CCSER2: variants seen among roughly 807,000 people sequenced by gnomAD.
The protein encoded by CCSER2 is serine-rich coiled-coil domain-containing protein 2.
In CCSER2, 46 loss-of-function variants were observed where a neutral mutation model predicts 92.3. That is an observed-to-expected ratio of 0.50 (90% CI 0.39 to 0.64). The LOEUF (loss-of-function observed/expected upper bound fraction) is 0.64, where lower values mean the gene tolerates loss of function less well. Ranked by LOEUF, CCSER2 falls within the 30% of genes least tolerant of loss-of-function variation. The probability of loss-of-function intolerance (pLI) is 0.00; values close to 1 mark genes in which losing one functional copy is unlikely to be tolerated. For synonymous variants in CCSER2, 433 were observed against 431.4 expected (o/e 1.00, Z -0.04); for missense variants, 1,244 against 1,238.9 (o/e 1.00, Z -0.06).
At chr10:84,424,984 A>T in intron 4 of CCSER2, 4 of 985,064 alleles carry the variant, frequency 4.1e-6, no homozygotes, top group Non-Finnish European at 4.8e-6. Flanking sequence ...CGGTAACACA[A>T]TGTCTCCCTT....
At chr10:84,451,540 G>A (rs886891338) in intron 6 of CCSER2, among the ~76,000 whole-genome samples, 1 of 152,132 alleles carries the variant, frequency 6.6e-6, no homozygotes, top group East Asian at 1.9e-4. Flanking sequence ...CAGATGGCTT[G>A]AGGAGTTGGA....
At chr10:84,428,045 G>A (rs970078653) in intron 5 of CCSER2, among the ~76,000 whole-genome samples, 3 of 152,120 alleles carry the variant, frequency 2.0e-5, no homozygotes, top group Admixed American at 6.6e-5. Flanking sequence ...AAAAGGCTTG[G>A]CCCTTAGCCC....
intron 1 of CCSER2, among the ~76,000 whole-genome samples, chr10:84,356,306 T>G (rs116414096): frequency 0.021 from 3,212 of 152,206 alleles, 120 homozygotes; most frequent in African/African-American, 0.075. Flanking sequence ...AAGCAGATTC[T>G]CAGTGTCGGT....
At chr10:84,360,073 A>G (rs1309541971) in intron 1 of CCSER2, among the ~76,000 whole-genome samples, 1 of 152,048 alleles carries the variant, frequency 6.6e-6, no homozygotes, top group African/African-American at 2.4e-5. Flanking sequence ...TCAACCACCT[A>G]AAGTGCTGGG....
intron 3 of CCSER2, among the ~76,000 whole-genome samples, chr10:84,415,630 A>T (rs966501936): frequency 6.6e-6 from 1 of 152,180 alleles, no homozygotes; most frequent in Admixed American, 6.5e-5. Context: ...TCCATTTAGG[A>T]GAAACAGGAT....
chr10:84,445,357 G>A (rs1844847845), intron 6 of CCSER2, among the ~76,000 whole-genome samples: 1 of 152,166 alleles, frequency 6.6e-6, no homozygotes, highest in South Asian at 2.1e-4. Context: ...GTTTCACCAT[G>A]TTAGCCAGGA....
At chr10:84,389,383 C>A in intron 3 of CCSER2, 1 of 512,416 alleles carries the variant, frequency 2.0e-6, no homozygotes, top group South Asian at 1.4e-5. Flanking sequence ...TTTCCTGTTT[C>A]TTTCTGTCTC....
At chr10:84,457,264 A>ATTATATATTATATAT (rs1845708130) in intron 6 of CCSER2, among the ~76,000 whole-genome samples, 1 of 27,976 alleles carries the variant, frequency 3.6e-5, no homozygotes, top group Non-Finnish European at 5.7e-5. Context: ...TATAAAATAT[A>ATTATATATTATATAT]TTATATATAA....
intron 9 of CCSER2, among the ~76,000 whole-genome samples, chr10:84,490,570 TG>T (rs1163568766): frequency 3.9e-5 from 6 of 152,240 alleles, no homozygotes; most frequent in African/African-American, 1.4e-4. Context: ...GTAGTTCTCG[TG>T]CCATGGTTTT....
At chr10:84,388,090 C>G (rs1428713740) in intron 3 of CCSER2, among the ~76,000 whole-genome samples, 2 of 152,124 alleles carry the variant, frequency 1.3e-5, no homozygotes, top group African/African-American at 4.8e-5. Flanking sequence ...GTCTCGAACT[C>G]CTGACCTCGT....
chr10:84,484,921 GAACA>G (rs1445069290), intron 9 of CCSER2, among the ~76,000 whole-genome samples: 1 of 151,968 alleles, frequency 6.6e-6, no homozygotes, highest in Non-Finnish European at 1.5e-5. Context: ...TTAAGGATAC[GAACA>G]AATTAAATAT....
intron 5 of CCSER2, among the ~76,000 whole-genome samples, chr10:84,428,985 G>GTATATATATATATATATATATA (rs60243946): frequency 1.3e-4 from 19 of 140,876 alleles, no homozygotes; most frequent in Non-Finnish European, 2.1e-4. Context: ...GTGTGTATGT[G>GTATATATATATATATATATATA]TATATATATA....
chr10:84,472,155 T>C (rs1846846044), intron 8 of CCSER2, among the ~76,000 whole-genome samples: 1 of 152,130 alleles, frequency 6.6e-6, no homozygotes, highest in Non-Finnish European at 1.5e-5. Context: ...ATAATAGTAG[T>C]TGCAAATAGT....
At chr10:84,421,075 C>T (rs536410754) in intron 4 of CCSER2, among the ~76,000 whole-genome samples, 4 of 152,244 alleles carry the variant, frequency 2.6e-5, no homozygotes, top group Non-Finnish European at 5.9e-5. Context: ...TTTGCTGTGA[C>T]CTCATTATGA....
chr10:84,355,555 A>ATAG, intron 1 of CCSER2, among the ~76,000 whole-genome samples: 1 of 152,172 alleles, frequency 6.6e-6, no homozygotes, highest in East Asian at 1.9e-4. Context: ...TCTAGCAGTT[A>ATAG]TAGTACTTCA....
intron 9 of CCSER2, among the ~76,000 whole-genome samples, chr10:84,503,418 G>A (rs1304460844): frequency 6.6e-6 from 1 of 152,102 alleles, no homozygotes; most frequent in African/African-American, 2.4e-5. Flanking sequence ...CCTGCTGTTA[G>A]TAGGGATTTG....
intron 1 of CCSER2, among the ~76,000 whole-genome samples, chr10:84,346,759 TTTA>T (rs1283862229): frequency 2.2e-5 from 2 of 90,798 alleles, no homozygotes; most frequent in Admixed American, 1.6e-4. Flanking sequence ...TTTCTTTTTT[TTTA>T]TATATATATA....
At chr10:84,440,895 C>T (rs1037387471) in intron 6 of CCSER2, among the ~76,000 whole-genome samples, 2 of 152,204 alleles carry the variant, frequency 1.3e-5, no homozygotes, top group African/African-American at 4.8e-5. Context: ...AGCCGTTGAA[C>T]AGTCTACTAC....
intron 1 of CCSER2, among the ~76,000 whole-genome samples, chr10:84,338,768 G>T (rs533932052): frequency 6.6e-6 from 1 of 152,212 alleles, no homozygotes; most frequent in South Asian, 2.1e-4. Context: ...TAATGTACCT[G>T]ATCTCATTTT....
Sources: gnomAD v4.1 joint callset for allele counts (sites outside exome capture counted in the v4.1 genomes callset) on GRCh38, gnomAD v4.1.1 for gene constraint, MANE v1.5 for transcripts, NCBI Gene and HGNC (gene_info 2026-07-23, HGNC 2026-07-21) for gene names.